Variants in SMYD3 observed in about 807,000 individuals in gnomAD.
SMYD3 encodes the protein SET and MYND domain containing 3, also known as histone-lysine N-methyltransferase SMYD3.
Under a neutral mutation model 57.7 loss-of-function variants are expected in SMYD3, and 36 were observed. That is an observed-to-expected ratio of 0.62 (90% CI 0.48 to 0.82). SMYD3 has a LOEUF of 0.82. SMYD3 is among the 40% of genes least tolerant of loss of function. SMYD3 has a pLI of 0.00. For synonymous variants in SMYD3, 211 were observed against 195.0 expected (o/e 1.08, Z -0.68); for missense variants, 515 against 538.8 (o/e 0.96, Z 0.44).
chr1:246,335,549 GA>G, intron 2 of SMYD3, 75 bp from the exon 3 acceptor site: 1 of 1,156,808 alleles, frequency 8.6e-7, no homozygotes, highest in Non-Finnish European at 1.3e-6. Context: ...TGAACATCAA[GA>G]GTCATAAACA....
At chr1:246,133,316 G>C (rs1572082739) in intron 5 of SMYD3, among the ~76,000 whole-genome samples, 1 of 152,026 alleles carries the variant, frequency 6.6e-6, no homozygotes, top group South Asian at 2.1e-4. Context: ...TCCACTCCCA[G>C]GCTCGTGAAG....
At chr1:246,490,119 G>A (rs771377148) in intron 1 of SMYD3, among the ~76,000 whole-genome samples, 18 of 150,958 alleles carry the variant, frequency 1.2e-4, no homozygotes, top group Admixed American at 2.0e-4. Context: ...CAGTATAGGC[G>A]TGAGCCACTG....
chr1:246,239,966 G>A (rs944314661), intron 5 of SMYD3, among the ~76,000 whole-genome samples: 1 of 152,124 alleles, frequency 6.6e-6, no homozygotes, highest in African/African-American at 2.4e-5. Context: ...ATTTGTTTAA[G>A]TTCTTTATAG....
At chr1:245,868,388 T>C in intron 8 of SMYD3, among the ~76,000 whole-genome samples, 1 of 152,198 alleles carries the variant, frequency 6.6e-6, no homozygotes, top group Non-Finnish European at 1.5e-5. Flanking sequence ...ATTCAAAATA[T>C]CTTCACCCTT....
intron 5 of SMYD3, among the ~76,000 whole-genome samples, chr1:246,165,678 A>C (rs2062196544): frequency 1.3e-5 from 2 of 152,160 alleles, no homozygotes; most frequent in South Asian, 4.2e-4. Flanking sequence ...CAGGTTTTTA[A>C]GGTGAGCTTA....
At chr1:245,960,158 A>C (rs2057962556) in intron 5 of SMYD3, among the ~76,000 whole-genome samples, 1 of 152,190 alleles carries the variant, frequency 6.6e-6, no homozygotes, top group Non-Finnish European at 1.5e-5. Context: ...ATTGGCATTG[A>C]CTTACAAAAT....
rs182802621 is a variant in SMYD3, at chr1:245,860,465, T to C, written c.902-1795A>G. 2.6e-5 allele frequency among the ~76,000 whole-genome samples: 4 copies of C among 152,200 alleles called. No homozygotes were observed. In the East Asian group the frequency reaches 7.7e-4, roughly 29 times the overall value. On this transcript the variant is annotated intron_variant, in intron 9 of 11. Coordinates refer to ENST00000490107, the MANE Select transcript of SMYD3 (RefSeq NM_001167740.2). ...TACCTTTATGAACTTTCACAGCAAA[T>C]GTATTTTCTTTCCAGCAAAGGCCTC...
At chr1:246,030,564 T>C (rs917109527) in intron 5 of SMYD3, among the ~76,000 whole-genome samples, 10 of 152,210 alleles carry the variant, frequency 6.6e-5, no homozygotes, top group Admixed American at 6.5e-4. Flanking sequence ...TATTTTTTAA[T>C]GTTCACAACA....
At chr1:246,092,231 G>A (rs1262654311) in intron 5 of SMYD3, among the ~76,000 whole-genome samples, 1 of 152,028 alleles carries the variant, frequency 6.6e-6, no homozygotes, top group East Asian at 1.9e-4. Flanking sequence ...AAGAAGTGAG[G>A]AAAAAATGCT....
At chr1:246,237,856 G>A (rs570381628) in intron 5 of SMYD3, among the ~76,000 whole-genome samples, 27 of 146,640 alleles carry the variant, frequency 1.8e-4, no homozygotes, top group Middle Eastern at 3.5e-3. Flanking sequence ...TTTACCTGCT[G>A]CATTATTAGA....
At chr1:246,284,244 T>C (rs563599765) in intron 5 of SMYD3, among the ~76,000 whole-genome samples, 55 of 152,260 alleles carry the variant, frequency 3.6e-4, no homozygotes, top group African/African-American at 1.3e-3. Context: ...CATCTGGTAA[T>C]GTGTTGCAAA....
At chr1:246,350,460 C>T (rs1009291562) in intron 2 of SMYD3, among the ~76,000 whole-genome samples, 3 of 152,092 alleles carry the variant, frequency 2.0e-5, no homozygotes, top group East Asian at 1.9e-4. Flanking sequence ...AAGAAGCTGA[C>T]GAGAAGGGAA....
intron 5 of SMYD3, among the ~76,000 whole-genome samples, chr1:246,048,579 A>C (rs1205756133): frequency 6.6e-6 from 1 of 152,156 alleles, no homozygotes; most frequent in African/African-American, 2.4e-5. Flanking sequence ...GTGAGATGTA[A>C]TATAGTATAC....
chr1:246,115,181 G>A (rs181958214), intron 5 of SMYD3, among the ~76,000 whole-genome samples: 18 of 152,324 alleles, frequency 1.2e-4, no homozygotes, highest in African/African-American at 3.8e-4. Flanking sequence ...AATATTCCAC[G>A]GAGTACTAAT....
intron 5 of SMYD3, among the ~76,000 whole-genome samples, chr1:245,967,697 G>A (rs988637772): frequency 3.3e-5 from 5 of 152,154 alleles, no homozygotes; most frequent in Non-Finnish European, 7.3e-5. Context: ...CAGACCAGAG[G>A]GCAGACATAA....
At chr1:246,236,297 A>C (rs2063511397) in intron 5 of SMYD3, among the ~76,000 whole-genome samples, 1 of 152,144 alleles carries the variant, frequency 6.6e-6, no homozygotes, top group Admixed American at 6.6e-5. Flanking sequence ...GTGGCGCAAT[A>C]ATAGCTCACT....
chr1:246,445,952 A>G (rs2067546101), intron 1 of SMYD3, among the ~76,000 whole-genome samples: 1 of 152,230 alleles, frequency 6.6e-6, no homozygotes, highest in Non-Finnish European at 1.5e-5. Context: ...ACTGAAAACC[A>G]TATGAATGCA....
chr1:245,971,444 AT>A (rs1445945981), intron 5 of SMYD3, among the ~76,000 whole-genome samples: 5 of 2,542 alleles, frequency 2.0e-3, no homozygotes, highest in Non-Finnish European at 0.016. Flanking sequence ...TTAAAGTATA[AT>A]TAAAAAAAAA....
At chr1:246,312,357 GAT>G (rs2065093890) in intron 5 of SMYD3, among the ~76,000 whole-genome samples, 3 of 152,128 alleles carry the variant, frequency 2.0e-5, no homozygotes, top group Middle Eastern at 3.2e-3. Flanking sequence ...GAGAGGCAAG[GAT>G]ATGAGTTAGA....
Sources: gnomAD v4.1 joint callset for allele counts (sites outside exome capture counted in the v4.1 genomes callset) on GRCh38, gnomAD v4.1.1 for gene constraint, MANE v1.5 for transcripts, NCBI Gene and HGNC (gene_info 2026-07-23, HGNC 2026-07-21) for gene names.